Variants in MPDZ observed in about 807,000 individuals in gnomAD.
MPDZ encodes multiple PDZ domain protein.
In MPDZ, 234 loss-of-function variants were observed where a neutral mutation model predicts 239.1. The observed-to-expected ratio is 0.98, with a 90% confidence interval of 0.88 to 1.09. MPDZ has a LOEUF of 1.09. Ranked by LOEUF, MPDZ falls within the 50% of genes least tolerant of loss-of-function variation. The pLI is 0.00. For missense variants in MPDZ, 3,175 were observed against 2,510.0 expected, an observed-to-expected ratio of 1.26 and a Z score of -5.66; for synonymous variants, 1,048 against 881.3, an observed-to-expected ratio of 1.19 and a Z score of -3.35.
intron 24 of MPDZ, among the ~76,000 whole-genome samples, chr9:13,157,604 C>A (rs1345175890): frequency 6.6e-6 from 1 of 151,954 alleles, no homozygotes; most frequent in Non-Finnish European, 1.5e-5. Flanking sequence ...CCTGTGGTAA[C>A]AAGGCTATGA....
rs957860662 is a variant in MPDZ at position 13,216,773 on chromosome 9, C to A, written c.1290+1G>T. 2 of 1,593,998 alleles carry A rather than the reference C, an allele frequency of 1.3e-6. No homozygotes were observed. Among genetic ancestry groups the A allele is most frequent in the Non-Finnish European group, 1.7e-6 (2 of 1,164,330 alleles). ...AAGCTATTGTTAAATGTGTAACTTA[C>A]TGCTATAATTTGGTCTCCAATTTGG... On this transcript the variant is annotated splice_donor_variant, in intron 10 of 46. Coordinates refer to ENST00000319217, the MANE Select transcript of MPDZ (RefSeq NM_001378778.1). LOFTEE classifies it high-confidence loss of function.
chr9:13,198,737 C>CTCTCTCTGTGTG (rs755487892), intron 12 of MPDZ, among the ~76,000 whole-genome samples: 43 of 69,800 alleles, frequency 6.2e-4, no homozygotes, highest in Non-Finnish European at 1.0e-3. Flanking sequence ...ATCTCTCTCT[C>CTCTCTCTGTGTG]TGTGTGTGTG....
chr9:13,193,099 A>G, intron 14 of MPDZ, 68 bp downstream of exon 14: 1 of 1,328,654 alleles, frequency 7.5e-7, no homozygotes, highest in Non-Finnish European at 9.8e-7. Flanking sequence ...TTTATTCACC[A>G]CATTAAGCCT....
chr9:13,240,192 C>T (rs1965045199), intron 3 of MPDZ, among the ~76,000 whole-genome samples: 1 of 151,930 alleles, frequency 6.6e-6, no homozygotes, highest in Admixed American at 6.6e-5. Flanking sequence ...TGTTCACAAT[C>T]TGCTTAGAGG....
intron 1 of MPDZ, among the ~76,000 whole-genome samples, chr9:13,255,198 T>C (rs1969138479): frequency 6.6e-6 from 1 of 152,220 alleles, no homozygotes; most frequent in Non-Finnish European, 1.5e-5. Flanking sequence ...TCAAACTTTA[T>C]CATGAAAGTG....
intron 3 of MPDZ, among the ~76,000 whole-genome samples, chr9:13,238,540 T>C (rs1964639757): frequency 6.6e-6 from 1 of 152,122 alleles, no homozygotes; most frequent in Admixed American, 6.6e-5. Flanking sequence ...CTATTAAACT[T>C]TTCATTCCTC....
chr9:13,254,612 G>T (rs1171036537), intron 1 of MPDZ, among the ~76,000 whole-genome samples: 1 of 152,114 alleles, frequency 6.6e-6, no homozygotes, highest in Non-Finnish European at 1.5e-5. Flanking sequence ...AGATATTGCA[G>T]GATCAGTTCC....
At chr9:13,257,586 T>C (rs915075151) in intron 1 of MPDZ, among the ~76,000 whole-genome samples, 1 of 152,212 alleles carries the variant, frequency 6.6e-6, no homozygotes, top group African/African-American at 2.4e-5. Flanking sequence ...CTTAGGTAAG[T>C]AAAAATCGAT....
chr9:13,119,160 T>C (rs989642820), intron 39 of MPDZ, among the ~76,000 whole-genome samples: 19 of 152,186 alleles, frequency 1.2e-4, no homozygotes, highest in Non-Finnish European at 2.8e-4. Flanking sequence ...TAAGCTGGAA[T>C]TCAGTGGTGT....
intron 3 of MPDZ, among the ~76,000 whole-genome samples, chr9:13,234,935 T>A (rs1056319011): frequency 6.6e-6 from 1 of 152,082 alleles, no homozygotes; most frequent in Admixed American, 6.6e-5. Context: ...ATCCCAACTA[T>A]GAAATGCAAA....
Position 13,109,952 on chromosome 9 carries a change from C to A in MPDZ, c.5942G>T (p.Gly1981Val). 1 of 1,610,360 alleles carries A rather than the reference C, an allele frequency of 6.2e-7. No homozygotes were observed. The highest frequency in any genetic ancestry group is 8.5e-7 in the Non-Finnish European group (1 of 1,178,078). The change falls in exon 45 of 47, where the codon GGA becomes GTA. Residue 1981 changes from glycine to valine, a missense_variant and splice_region_variant. Coordinates refer to ENST00000319217, the MANE Select transcript of MPDZ (RefSeq NM_001378778.1). Reference sequence around the variant, plus strand: ...CACTAATCATCATGTATGAACTCACCCTAAATCATCCTGAAATATACTGCT... The same window carrying A: ...CACTAATCATCATGTATGAACTCACACTAAATCATCCTGAAATATACTGCT... ...TSSSIFQDDL[G>V]PPQCKSITLE...
intron 12 of MPDZ, among the ~76,000 whole-genome samples, chr9:13,203,706 A>G (rs149343281): frequency 6.8e-4 from 102 of 150,972 alleles, no homozygotes; most frequent in African/African-American, 2.4e-3. Context: ...TTCTAGGTCT[A>G]TAGTCACCCC....
intron 3 of MPDZ, among the ~76,000 whole-genome samples, chr9:13,238,723 C>A (rs1413125527): frequency 1.3e-5 from 2 of 152,096 alleles, no homozygotes; most frequent in African/African-American, 4.8e-5. Context: ...AAAGCTGTAA[C>A]CCTCCCTTTC....
intron 21 of MPDZ, among the ~76,000 whole-genome samples, chr9:13,175,067 G>C (rs1298528892): frequency 6.6e-6 from 1 of 152,146 alleles, no homozygotes; most frequent in East Asian, 1.9e-4. Context: ...GACACTCAGA[G>C]CAACTCATCT....
chr9:13,181,896 A>T (rs1953386024), intron 19 of MPDZ, among the ~76,000 whole-genome samples: 1 of 152,148 alleles, frequency 6.6e-6, no homozygotes, highest in Non-Finnish European at 1.5e-5. Flanking sequence ...GCCAGTAAAG[A>T]CTGAACACAT....
intron 38 of MPDZ, among the ~76,000 whole-genome samples, chr9:13,120,897 G>T (rs1167286479): frequency 6.6e-6 from 1 of 152,186 alleles, no homozygotes. Flanking sequence ...GCAGACTGCA[G>T]GGGCACTTTT....
chr9:13,258,273 A>G (rs1170984319), intron 1 of MPDZ, among the ~76,000 whole-genome samples: 2 of 152,246 alleles, frequency 1.3e-5, no homozygotes, highest in Non-Finnish European at 1.5e-5. Flanking sequence ...ATGGCAACTA[A>G]CAAGTGAAAA....
chr9:13,224,705 C>G, intron 3 of MPDZ, 122 bp from the exon 4 acceptor site: 3 of 676,762 alleles, frequency 4.4e-6, no homozygotes, highest in Non-Finnish European at 7.2e-6. Flanking sequence ...TTTAATCCAG[C>G]AATTCTATTT....
At chr9:13,186,176 A>G in intron 18 of MPDZ, 94 bp downstream of exon 18, 1 of 578,404 alleles carries the variant, frequency 1.7e-6, no homozygotes, top group Non-Finnish European at 2.7e-6. Context: ...AATAATGAAC[A>G]AAGAATATAA....
Sources: gnomAD v4.1 joint callset for allele counts (sites outside exome capture counted in the v4.1 genomes callset) on GRCh38, gnomAD v4.1.1 for gene constraint, MANE v1.5 for transcripts, NCBI Gene and HGNC (gene_info 2026-07-23, HGNC 2026-07-21) for gene names.